USP32: variants seen among roughly 807,000 people sequenced by gnomAD.
The protein encoded by USP32 is ubiquitin specific peptidase 32, also known as ubiquitin carboxyl-terminal hydrolase 32.
A neutral mutation model predicts 204.8 loss-of-function variants in USP32; 59 were observed. The ratio of observed to expected loss-of-function variants is 0.29; its 90% CI spans 0.23 to 0.36. The LOEUF (loss-of-function observed/expected upper bound fraction) is 0.36, where lower values mean the gene tolerates loss of function less well. USP32 is among the 10% of genes least tolerant of loss of function. The pLI, the probability that USP32 is intolerant of heterozygous loss-of-function variation, is 1.00. For missense variants in USP32, 1,160 were observed against 1,946.4 expected (o/e 0.60, Z 7.60); for synonymous variants, 517 against 678.4 (o/e 0.76, Z 3.70).
intron 12 of USP32, among the ~76,000 whole-genome samples, chr17:60,232,175 T>TTC (rs2085576273): frequency 7.6e-6 from 1 of 132,208 alleles, no homozygotes; most frequent in African/African-American, 3.5e-5. Flanking sequence ...TTTCTTTTTT[T>TTC]TTTTTTTTTT....
At chr17:60,289,930 C>T (rs933566310) in intron 4 of USP32, among the ~76,000 whole-genome samples, 5 of 152,112 alleles carry the variant, frequency 3.3e-5, no homozygotes, top group Admixed American at 1.3e-4. Context: ...TTAAGTGAGG[C>T]GATACTTTTA....
intron 2 of USP32, among the ~76,000 whole-genome samples, chr17:60,334,326 T>C (rs1409220627): frequency 1.3e-5 from 2 of 152,190 alleles, no homozygotes; most frequent in Non-Finnish European, 2.9e-5. Flanking sequence ...ATAATAGATG[T>C]ATAAATTTTA....
At chr17:60,353,330 T>C (rs948447194) in intron 1 of USP32, among the ~76,000 whole-genome samples, 1 of 152,206 alleles carries the variant, frequency 6.6e-6, no homozygotes, top group Non-Finnish European at 1.5e-5. Context: ...TTATTTCCAA[T>C]GGGAAATAAC....
At chr17:60,208,258 A>G in intron 23 of USP32, 48 bp from the exon 24 acceptor site, 4 of 1,540,246 alleles carry the variant, frequency 2.6e-6, no homozygotes, top group Non-Finnish European at 3.5e-6. Context: ...GGTTTCATTG[A>G]AAGTCTTAAA....
chr17:60,347,661 G>A (rs2088823008), intron 1 of USP32, among the ~76,000 whole-genome samples: 1 of 151,324 alleles, frequency 6.6e-6, no homozygotes, highest in African/African-American at 2.4e-5. Flanking sequence ...CCTACACCTG[G>A]CTAATTTTTG....
chr17:60,359,888 G>A (rs1342307369), intron 1 of USP32, among the ~76,000 whole-genome samples: 1 of 146,100 alleles, frequency 6.8e-6, no homozygotes, highest in Admixed American at 6.8e-5. Context: ...TTTTTTTTGA[G>A]ATGGAGTCTT....
In USP32 at chr17:60,392,035, T is replaced by A; in HGVS notation, c.-96A>T. The A allele has an allele frequency of 7.1e-7, 1 of 1,409,002 alleles. No individual in the cohort carries two copies. Among genetic ancestry groups the A allele is most frequent in the Non-Finnish European group, 9.6e-7 (1 of 1,045,856 alleles). 87.3% of individuals were successfully genotyped at this position (1,409,002 alleles called of 1,614,324 possible). ...GCGTCCCTGGGTGACGGTGACGGTG[T>A]CGGCGTCCCCCGCCCCCACCTCCCC... is the stretch of plus-strand genomic sequence containing the variant. On this transcript the variant is annotated 5_prime_UTR_variant, in exon 1 of 34. Transcript: ENST00000300896.
intron 1 of USP32, among the ~76,000 whole-genome samples, chr17:60,373,110 T>C (rs1249563526): frequency 6.6e-6 from 1 of 152,192 alleles, no homozygotes; most frequent in African/African-American, 2.4e-5. Flanking sequence ...AGACAATCTC[T>C]TGAGCCCAGG....
intron 1 of USP32, among the ~76,000 whole-genome samples, chr17:60,377,336 T>G (rs1045913851): frequency 6.6e-6 from 1 of 152,224 alleles, no homozygotes; most frequent in African/African-American, 2.4e-5. Context: ...TTTAAAAATA[T>G]AGCATTTCAT....
chr17:60,420,617 A>G (rs1456305048), intron 1 of USP32, among the ~76,000 whole-genome samples: 3 of 152,232 alleles, frequency 2.0e-5, no homozygotes, highest in African/African-American at 7.2e-5. Context: ...CAGTGAGCCG[A>G]GATCACGCCA....
intron 16 of USP32, among the ~76,000 whole-genome samples, chr17:60,216,585 C>G (rs1280751210): frequency 6.6e-6 from 1 of 152,390 alleles, no homozygotes; most frequent in East Asian, 1.9e-4. Context: ...AATTCCCTCA[C>G]CTAAGGCAGG....
intron 28 of USP32, among the ~76,000 whole-genome samples, 184 bp from the exon 29 acceptor site, chr17:60,190,867 A>G (rs1486510795): frequency 2.0e-5 from 3 of 152,202 alleles, no homozygotes; most frequent in Non-Finnish European, 4.4e-5. Flanking sequence ...GTACAGTTTC[A>G]GGGAATCATG....
chr17:60,297,094 C>A lies in USP32; in HGVS notation c.293-2293G>T, dbSNP rs1016414402. Among the ~76,000 whole-genome samples, 25 of 152,208 alleles carry A rather than the reference C, an allele frequency of 1.6e-4. No individual in the cohort carries two copies. The East Asian group carries it at 2.3e-3, about 14-fold the overall frequency. On this transcript the variant is annotated intron_variant, in intron 3 of 33. Transcript: ENST00000300896. ...GCCAGGCAAGGCATTAAGTCATGTA[C>A]CCCTACACTTAAAGAATAAACTGCC... is the stretch of plus-strand genomic sequence containing the variant.
chr17:60,288,634 T>C lies in USP32; in HGVS notation c.460A>G (p.Lys154Glu). The C allele has an allele frequency of 6.2e-7, 1 of 1,613,182 alleles. No homozygotes were observed. Among genetic ancestry groups the C allele is most frequent in the East Asian group, 2.2e-5 (1 of 44,834 alleles). Residue 154 changes from lysine (K) to glutamate (E), a missense_variant, in exon 5 of 34, where the codon AAA becomes GAA. By Grantham distance (56) the Lys-to-Glu change is moderately conservative. Coordinates refer to ENST00000300896, the MANE Select transcript of USP32 (RefSeq NM_032582.4). ...CATCGAGAGAAAGTAAAAGCATCTT[T>C]GTTTAGAAAAAGCCAATTTCTAAAC... Reference protein sequence around the residue: ...EKFRNWLFLNKDAFTFSRWLL... With the variant: ...EKFRNWLFLNEDAFTFSRWLL...
chr17:60,265,538 A>G (rs543994673), intron 8 of USP32, 64 bp from the exon 9 acceptor site: 4 of 1,104,322 alleles, frequency 3.6e-6, no homozygotes, highest in Non-Finnish European at 4.1e-6. Flanking sequence ...TTGTTATTCA[A>G]TGGCTAAAGT....
chr17:60,368,274 C>A (rs1418149689), intron 1 of USP32, among the ~76,000 whole-genome samples: 3 of 152,162 alleles, frequency 2.0e-5, no homozygotes, highest in Admixed American at 6.5e-5. Flanking sequence ...TAGTATAATG[C>A]TTCCTGTTTA....
chr17:60,344,232 A>T (rs1388231740), intron 2 of USP32, among the ~76,000 whole-genome samples: 3 of 147,854 alleles, frequency 2.0e-5, no homozygotes, highest in Non-Finnish European at 3.0e-5. Flanking sequence ...GGGTTCAAGC[A>T]ATTCTCCTGC....
At chr17:60,198,552 C>T (rs1598049670) in intron 26 of USP32, 108 bp from the exon 27 acceptor site, 1 of 1,300,014 alleles carries the variant, frequency 7.7e-7, no homozygotes, top group East Asian at 2.4e-5. Flanking sequence ...CATTTCAAAT[C>T]AGTCACTATC....
intron 1 of USP32, chr17:60,421,617 G>T (rs979737309): frequency 3.5e-5 from 34 of 978,434 alleles, no homozygotes; most frequent in Non-Finnish European, 4.1e-5. Context: ...TCTCGTCGCC[G>T]GGACCCCGCC....
Sources: allele counts gnomAD v4.1 joint callset (sites outside exome capture counted in the v4.1 genomes callset), GRCh38; gene constraint gnomAD v4.1.1; transcripts MANE v1.5; gene names NCBI Gene and HGNC (gene_info 2026-07-23, HGNC 2026-07-21).